Variants in INPP4A observed in about 807,000 individuals in gnomAD.
INPP4A encodes inositol polyphosphate-4-phosphatase, type I, 107kD.
Under a neutral mutation model 119.8 loss-of-function variants are expected in INPP4A, and 33 were observed. That is an observed-to-expected ratio of 0.28 (90% confidence interval 0.21 to 0.37). The LOEUF (loss-of-function observed/expected upper bound fraction) is 0.37, where lower values mean the gene tolerates loss of function less well. Among genes scored for constraint, INPP4A ranks in the 10% least tolerant of loss-of-function variants. INPP4A has a pLI of 1.00. For missense variants in INPP4A, 956 were observed against 1,289.9 expected (o/e 0.74, Z 3.97); for synonymous variants, 496 against 500.7 (o/e 0.99, Z 0.12).
At chr2:98,505,197 A>T (rs956131580) in intron 1 of INPP4A, among the ~76,000 whole-genome samples, 2 of 152,270 alleles carry the variant, frequency 1.3e-5, no homozygotes, top group African/African-American at 4.8e-5. Flanking sequence ...CATTTAGAAA[A>T]GGTTCAGGCA....
intron 4 of INPP4A, among the ~76,000 whole-genome samples, chr2:98,527,731 A>G (rs1312549882): frequency 6.6e-6 from 1 of 152,052 alleles, no homozygotes; most frequent in Non-Finnish European, 1.5e-5. Context: ...AGCTACAGCA[A>G]AGGTCTGTGA....
At chr2:98,584,987 GT>G (rs1345871992) in intron 24 of INPP4A, among the ~76,000 whole-genome samples, 1 of 152,222 alleles carries the variant, frequency 6.6e-6, no homozygotes. Flanking sequence ...TTATACTGTA[GT>G]AGTGCTGAGG....
chr2:98,479,728 A>G (rs572301606), intron 1 of INPP4A, among the ~76,000 whole-genome samples: 12 of 152,230 alleles, frequency 7.9e-5, no homozygotes, highest in Non-Finnish European at 1.8e-4. Context: ...TACACAGGAT[A>G]GCAACAGATT....
intron 1 of INPP4A, among the ~76,000 whole-genome samples, chr2:98,467,568 G>A (rs1675055949): frequency 6.6e-6 from 1 of 152,212 alleles, no homozygotes; most frequent in Non-Finnish European, 1.5e-5. Context: ...CTTTGCCCTT[G>A]GAACTGAGTG....
intron 1 of INPP4A, among the ~76,000 whole-genome samples, chr2:98,474,596 T>TCTGGCC (rs1251947056): frequency 6.6e-6 from 1 of 152,152 alleles, no homozygotes; most frequent in African/African-American, 2.4e-5. Context: ...AAACCAGGCT[T>TCTGGCC]CTGGCCCTAG....
chr2:98,489,018 A>G (rs145713797), intron 1 of INPP4A, among the ~76,000 whole-genome samples: 1 of 147,942 alleles, frequency 6.8e-6, no homozygotes, highest in Non-Finnish European at 1.5e-5. Flanking sequence ...CAGCCTTACT[A>G]GGAGGCTGGT....
chr2:98,539,128 G>A (rs1690897819), intron 9 of INPP4A, 147 bp downstream of exon 9: 2 of 556,414 alleles, frequency 3.6e-6, no homozygotes, highest in Non-Finnish European at 6.5e-6. Context: ...TGTTCTTTTT[G>A]CAGCATATAA....
chr2:98,511,242 G>A (rs1172608541), intron 1 of INPP4A, among the ~76,000 whole-genome samples: 1 of 152,092 alleles, frequency 6.6e-6, no homozygotes, highest in African/African-American at 2.4e-5. Flanking sequence ...TGTATTTTTA[G>A]TAGAAAGGGG....
chr2:98,498,283 G>T (rs57097024), intron 1 of INPP4A, among the ~76,000 whole-genome samples: 32 of 152,122 alleles, frequency 2.1e-4, no homozygotes, highest in African/African-American at 7.5e-4. Flanking sequence ...TCTCATGATA[G>T]TAAGTCTCAT....
chr2:98,521,156 C>G (rs1687111691), intron 4 of INPP4A: 1 of 168,874 alleles, frequency 5.9e-6, no homozygotes, highest in Non-Finnish European at 1.3e-5. Flanking sequence ...CTCTCTAGCC[C>G]TCAGTTCCCT....
intron 1 of INPP4A, among the ~76,000 whole-genome samples, chr2:98,471,837 C>G (rs1009144303): frequency 6.6e-6 from 1 of 152,206 alleles, no homozygotes; most frequent in African/African-American, 2.4e-5. Context: ...GACTGTAGCT[C>G]TGAAATTCTG....
chr2:98,491,815 A>G (rs1035656491), intron 1 of INPP4A, among the ~76,000 whole-genome samples: 1 of 152,216 alleles, frequency 6.6e-6, no homozygotes, highest in African/African-American at 2.4e-5. Context: ...TCAGGGAAGA[A>G]TATACAGATG....
At chr2:98,466,697 A>T (rs536570573) in intron 1 of INPP4A, among the ~76,000 whole-genome samples, 136 of 152,326 alleles carry the variant, frequency 8.9e-4, no homozygotes, top group African/African-American at 3.2e-3. Context: ...CCCATCGCCA[A>T]ACTCACAGGA....
At chr2:98,581,483 G>T in intron 24 of INPP4A, 1 of 1,232,512 alleles carries the variant, frequency 8.1e-7, no homozygotes, top group Non-Finnish European at 1.1e-6. Context: ...CATCCTTTTT[G>T]ATAAAATCCA....
intron 1 of INPP4A, among the ~76,000 whole-genome samples, chr2:98,514,536 G>A (rs931460290): frequency 3.9e-5 from 6 of 152,078 alleles, no homozygotes; most frequent in African/African-American, 1.4e-4. Flanking sequence ...CCCACCTCTG[G>A]GGAGGGGAGA....
chr2:98,502,291 G>A (rs1470082095), intron 1 of INPP4A, among the ~76,000 whole-genome samples: 2 of 151,938 alleles, frequency 1.3e-5, no homozygotes, highest in Admixed American at 6.6e-5. Context: ...AAGTTGGGTG[G>A]TAAGTGGGGG....
chr2:98,467,812 A>C (rs1231897168), intron 1 of INPP4A, among the ~76,000 whole-genome samples: 1 of 152,192 alleles, frequency 6.6e-6, no homozygotes, highest in Non-Finnish European at 1.5e-5. Context: ...AGTTATAGAT[A>C]ATTATCTATT....
At chr2:98,509,165 C>G (rs1435229520) in intron 1 of INPP4A, among the ~76,000 whole-genome samples, 1 of 152,168 alleles carries the variant, frequency 6.6e-6, no homozygotes, top group Non-Finnish European at 1.5e-5. Context: ...CTTTGTATCC[C>G]TAAGGCCTGC....
Position 98,572,825 on chromosome 2 carries a change from G to GTC in INPP4A, c.2532_2533dup (p.Arg845LeufsTer58). 6.4e-7 allele frequency: 1 copy of GTC among 1,559,302 alleles called. No homozygotes were observed. Among genetic ancestry groups the GTC allele is most frequent in the Non-Finnish European group, 8.7e-7 (1 of 1,152,018 alleles). ...CCTTTTCTCTTCCAGGCCTGCCTCG[G>GTC]TCTCGCAGTCAGACGTGCCTGCCAG... On this transcript the variant is annotated frameshift_variant, in exon 23 of 25. Coordinates refer to ENST00000409851, the MANE Select transcript of INPP4A (RefSeq NM_001134225.2). LOFTEE classifies it high-confidence loss of function.
Sources: allele counts gnomAD v4.1 joint callset (sites outside exome capture counted in the v4.1 genomes callset), GRCh38; gene constraint gnomAD v4.1.1; transcripts MANE v1.5; gene names NCBI Gene and HGNC (gene_info 2026-07-23, HGNC 2026-07-21).